STAU2: variants seen among roughly 807,000 people sequenced by gnomAD.
The protein encoded by STAU2 is double-stranded RNA-binding protein Staufen homolog 2.
A neutral mutation model predicts 65.9 loss-of-function variants in STAU2; 20 were observed. That is an observed-to-expected ratio of 0.30 (90% CI 0.21 to 0.44). STAU2 has a LOEUF of 0.44. Ranked by LOEUF, STAU2 falls within the 20% of genes least tolerant of loss-of-function variation. The pLI, the probability that STAU2 is intolerant of heterozygous loss-of-function variation, is 1.00. For missense variants in STAU2, 558 were observed against 683.9 expected (o/e 0.82, Z 2.05); for synonymous variants, 232 against 233.9 (o/e 0.99, Z 0.07).
intron 5 of STAU2, among the ~76,000 whole-genome samples, chr8:73,678,161 C>T (rs1818145461): frequency 6.6e-6 from 1 of 152,160 alleles, no homozygotes; most frequent in Non-Finnish European, 1.5e-5. Flanking sequence ...GTGTCTCCCA[C>T]CTTCCCTTTA....
chr8:73,541,407 G>A (rs908441924), intron 13 of STAU2, among the ~76,000 whole-genome samples: 53 of 152,140 alleles, frequency 3.5e-4, no homozygotes, highest in African/African-American at 9.7e-5. Flanking sequence ...TACCACCATG[G>A]AGAAGATAAA....
intron 13 of STAU2, among the ~76,000 whole-genome samples, chr8:73,452,965 T>C (rs1037601560): frequency 6.6e-6 from 1 of 152,222 alleles, no homozygotes; most frequent in African/African-American, 2.4e-5. Context: ...GGATTTTAGT[T>C]TGGAAATGAA....
At chr8:73,737,522 G>A (rs1020020289) in intron 3 of STAU2, among the ~76,000 whole-genome samples, 2 of 150,600 alleles carry the variant, frequency 1.3e-5, no homozygotes, top group Non-Finnish European at 3.0e-5. Context: ...TTACTTCTCT[G>A]TTGATTTGCA....
At chr8:73,658,876 G>A (rs1432770891) in intron 6 of STAU2, among the ~76,000 whole-genome samples, 2 of 150,896 alleles carry the variant, frequency 1.3e-5, no homozygotes, top group South Asian at 2.1e-4. Context: ...TCAAGCCACT[G>A]TACTCCAGCC....
intron 6 of STAU2, among the ~76,000 whole-genome samples, chr8:73,666,582 A>G (rs1817260646): frequency 6.6e-6 from 1 of 152,234 alleles, no homozygotes; most frequent in Non-Finnish European, 1.5e-5. Flanking sequence ...GCTATGACTC[A>G]ACATATATTA....
chr8:73,633,026 G>C (rs554927595), intron 6 of STAU2, among the ~76,000 whole-genome samples: 2 of 152,160 alleles, frequency 1.3e-5, no homozygotes, highest in East Asian at 3.9e-4. Context: ...TTATACACAG[G>C]GAAAAAGGGA....
chr8:73,669,530 ACT>A (rs1270264151), intron 6 of STAU2, among the ~76,000 whole-genome samples: 3 of 151,260 alleles, frequency 2.0e-5, no homozygotes, highest in African/African-American at 7.3e-5. Flanking sequence ...TCACATACTA[ACT>A]CCTCTCTCCC....
intron 13 of STAU2, among the ~76,000 whole-genome samples, chr8:73,512,244 C>G (rs1822447336): frequency 6.6e-6 from 1 of 152,104 alleles, no homozygotes; most frequent in African/African-American, 2.4e-5. Flanking sequence ...CTTTGCATTT[C>G]CATACACATT....
At chr8:73,595,072 T>C (rs186717673) in intron 11 of STAU2, 94 bp downstream of exon 11, 144 of 1,134,226 alleles carry the variant, frequency 1.3e-4, no homozygotes, top group Admixed American at 1.1e-3. Flanking sequence ...AAAGTTAAAA[T>C]TGACATTTAC....
At chr8:73,564,036 C>A (rs921307602) in intron 12 of STAU2, among the ~76,000 whole-genome samples, 2 of 152,184 alleles carry the variant, frequency 1.3e-5, no homozygotes, top group Non-Finnish European at 2.9e-5. Context: ...TTTACCCACA[C>A]CACCCCCCTA....
At chr8:73,664,736 A>G (rs1370372549) in intron 6 of STAU2, among the ~76,000 whole-genome samples, 2 of 152,106 alleles carry the variant, frequency 1.3e-5, no homozygotes, top group Non-Finnish European at 2.9e-5. Flanking sequence ...CATGCCTGTA[A>G]TCCCAGCACT....
intron 5 of STAU2, among the ~76,000 whole-genome samples, chr8:73,675,769 C>T (rs1053203111): frequency 3.3e-5 from 5 of 152,168 alleles, no homozygotes; most frequent in Non-Finnish European, 5.9e-5. Flanking sequence ...ATGTTAAGTA[C>T]ATGTAACACA....
At chr8:73,680,138 G>C (rs958149384) in intron 5 of STAU2, among the ~76,000 whole-genome samples, 1 of 124,440 alleles carries the variant, frequency 8.0e-6, no homozygotes, top group African/African-American at 3.0e-5. Context: ...ATCTGGGTGG[G>C]GGGTGGGGGA....
intron 13 of STAU2, among the ~76,000 whole-genome samples, chr8:73,450,077 G>A (rs999779762): frequency 6.6e-6 from 1 of 152,148 alleles, no homozygotes; most frequent in African/African-American, 2.4e-5. Flanking sequence ...ACAGAGGATG[G>A]GTAAATTTGG....
At chr8:73,550,844 T>C in intron 13 of STAU2, 1 of 987,092 alleles carries the variant, frequency 1.0e-6, no homozygotes, top group East Asian at 1.1e-4. Context: ...ATCAGAAGGG[T>C]TCGGTGAAGT....
At chr8:73,445,401 C>T (rs973055233) in intron 13 of STAU2, among the ~76,000 whole-genome samples, 1 of 151,958 alleles carries the variant, frequency 6.6e-6, no homozygotes, top group East Asian at 1.9e-4. Flanking sequence ...CAAAACAAAG[C>T]CCCCAAAACA....
At chr8:73,657,024 A>G (rs1415980497) in intron 6 of STAU2, among the ~76,000 whole-genome samples, 1 of 152,254 alleles carries the variant, frequency 6.6e-6, no homozygotes, top group Non-Finnish European at 1.5e-5. Context: ...TCAGTGATAT[A>G]TAACAGTTAT....
At position 73,731,345 on chromosome 8, in the gene STAU2, TGATC is replaced by T. The variant is rs562767084; in HGVS notation, c.-18+6935_-18+6938del. On this transcript the variant is annotated intron_variant, in intron 3 of 14. Transcript: ENST00000524300. Reference sequence around the variant, plus strand: ...CTCTGCCCTGTAATTCTAATCGCCTTGATCTTCCCAAATTTTTATCTTTGTCTTT... The same window carrying T: ...CTCTGCCCTGTAATTCTAATCGCCTTTTCCCAAATTTTTATCTTTGTCTTT... 3.7e-4 allele frequency among the ~76,000 whole-genome samples: 57 copies of T among 152,302 alleles called. No homozygotes were observed. The South Asian group carries it at 9.1e-3, about 24-fold the overall frequency.
Position 73,725,813 on chromosome 8 carries a change from A to G in STAU2, c.-18+12471T>C, listed in dbSNP as rs151293164. On this transcript the variant is annotated intron_variant, in intron 3 of 14. Coordinates refer to ENST00000524300, the MANE Select transcript of STAU2 (RefSeq NM_001164380.2). ...CCGGATATAGTGGTGCATGCCTGTA[A>G]TCCCAGCTACTTGAGAGGCTGAGGT... 2.8e-3 allele frequency among the ~76,000 whole-genome samples: 422 copies of G among 152,210 alleles called. 2 individuals are homozygous for G. Among genetic ancestry groups the G allele is most frequent in the South Asian group, 8.9e-3 (43 of 4,820 alleles).
Sources: allele counts gnomAD v4.1 joint callset (sites outside exome capture counted in the v4.1 genomes callset), GRCh38; gene constraint gnomAD v4.1.1; transcripts MANE v1.5; gene names NCBI Gene and HGNC (gene_info 2026-07-23, HGNC 2026-07-21).